The following ASTN2 variants were observed in gnomAD, a reference collection of about 807,000 sequenced individuals.
ASTN2 encodes the protein astrotactin-2.
ASTN2 carries 54 observed loss-of-function variants against 139.8 expected under a neutral mutation model. That is an observed-to-expected ratio of 0.39 (90% CI 0.31 to 0.48). ASTN2 has a LOEUF of 0.48. Ranked by LOEUF, ASTN2 falls within the 20% of genes least tolerant of loss-of-function variation. ASTN2 has a pLI of 0.95. For missense variants in ASTN2, 1,565 were observed against 1,725.1 expected (o/e 0.91, Z 1.64); for synonymous variants, 756 against 719.5 (o/e 1.05, Z -0.81).
intron 1 of ASTN2, among the ~76,000 whole-genome samples, chr9:117,298,040 A>G (rs1184791219): frequency 6.6e-6 from 1 of 152,224 alleles, no homozygotes; most frequent in Non-Finnish European, 1.5e-5. Flanking sequence ...CCTTCCTTCC[A>G]GCCAACCATT....
chr9:116,529,100 C>G (rs893999623), intron 19 of ASTN2, among the ~76,000 whole-genome samples: 1 of 152,160 alleles, frequency 6.6e-6, no homozygotes, highest in Non-Finnish European at 1.5e-5. Context: ...CTCCAGACCC[C>G]AGAATAGTAA....
chr9:117,411,076 C>A (rs1399143167), intron 1 of ASTN2, among the ~76,000 whole-genome samples: 1 of 152,138 alleles, frequency 6.6e-6, no homozygotes. Flanking sequence ...GACCAGGATT[C>A]CAGTTCCAGG....
intron 16 of ASTN2, among the ~76,000 whole-genome samples, chr9:116,660,722 A>C (rs1464450161): frequency 6.6e-6 from 1 of 152,128 alleles, no homozygotes; most frequent in Non-Finnish European, 1.5e-5. Flanking sequence ...TCTACCTACA[A>C]GAAGACAGTA....
intron 5 of ASTN2, among the ~76,000 whole-genome samples, chr9:117,044,998 C>T (rs1309957056): frequency 6.6e-6 from 1 of 152,072 alleles, no homozygotes; most frequent in African/African-American, 2.4e-5. Flanking sequence ...TAGTCCTGTT[C>T]CAGCCTTTCC....
At chr9:116,600,149 C>A (rs1363481267) in intron 19 of ASTN2, among the ~76,000 whole-genome samples, 1 of 151,808 alleles carries the variant, frequency 6.6e-6, no homozygotes, top group Non-Finnish European at 1.5e-5. Flanking sequence ...ATGACAAAAG[C>A]CCATCTCTAC....
chr9:116,651,880 T>C lies in ASTN2; in HGVS notation c.2807-87A>G, dbSNP rs2131928846. The C allele has an allele frequency of 2.7e-6, 4 of 1,481,712 alleles. No individual in the cohort carries two copies. In the South Asian group the frequency reaches 5.2e-5, roughly 19 times the overall value. The allele number at this position is 1,481,712 out of a possible 1,614,324, so 91.8% of individuals were successfully genotyped here. On this transcript the variant is annotated intron_variant, in intron 16 of 22. Transcript: ENST00000313400. The stretch of plus-strand genomic sequence containing the variant: ...TCTTGAATTCACAAAATACAGATGC[T>C]AAGAAGCTGGTATCCATTGAGGAAG...
chr9:116,738,839 G>C (rs894529167), intron 13 of ASTN2, among the ~76,000 whole-genome samples: 1 of 152,158 alleles, frequency 6.6e-6, no homozygotes, highest in African/African-American at 2.4e-5. Flanking sequence ...TCAGTGAATC[G>C]ATCCCAAGCC....
chr9:117,141,743 A>T (rs746666484), intron 3 of ASTN2, among the ~76,000 whole-genome samples: 4 of 152,224 alleles, frequency 2.6e-5, no homozygotes, highest in Non-Finnish European at 5.9e-5. Flanking sequence ...CCTTGAGACT[A>T]GAGGGCTTGG....
At chr9:116,471,688 A>T (rs1848818994) in intron 20 of ASTN2, among the ~76,000 whole-genome samples, 1 of 152,212 alleles carries the variant, frequency 6.6e-6, no homozygotes, top group Non-Finnish European at 1.5e-5. Flanking sequence ...ATTCTTAGGA[A>T]TAAAGGGCCT....
rs150957099 is a variant in ASTN2, at chr9:117,005,735, T to TTCTCTC, written c.1591+2351_1591+2356dup. Among the ~76,000 whole-genome samples, 89 of 149,258 alleles carry TTCTCTC rather than the reference T, an allele frequency of 6.0e-4. 1 individual carries two copies. Among genetic ancestry groups the TTCTCTC allele is most frequent in the East Asian group, 5.7e-3 (29 of 5,088 alleles). On this transcript the variant is annotated intron_variant, in intron 7 of 22. Transcript: ENST00000313400. ...CCATATCCTATTCCCCAGTACATACTTCTCTCTCTCTCTCTCTCTCTCTGT... is the reference window on the plus strand; with the variant it reads ...CCATATCCTATTCCCCAGTACATACTTCTCTCTCTCTCTCTCTCTCTCTCTCTCTGT...
chr9:116,508,068 T>C (rs1169974962), intron 19 of ASTN2, among the ~76,000 whole-genome samples: 1 of 152,112 alleles, frequency 6.6e-6, no homozygotes, highest in Non-Finnish European at 1.5e-5. Flanking sequence ...TTGTAATTTT[T>C]TTAGTAGAGA....
At position 117,327,454 on chromosome 9, in the gene ASTN2, G is replaced by A. The variant is rs550991903; in HGVS notation, c.443-35941C>T. ...ATAAAGCAGGACAGTGGGGGTTACAGTAGATAGGGTTTATGTTCAAGGAGG... is the reference window on the plus strand; with the variant it reads ...ATAAAGCAGGACAGTGGGGGTTACAATAGATAGGGTTTATGTTCAAGGAGG... On this transcript the variant is annotated intron_variant, in intron 1 of 22. Coordinates refer to ENST00000313400, the MANE Select transcript of ASTN2 (RefSeq NM_001365068.1). Among the ~76,000 whole-genome samples, 20 of 152,336 alleles carry A rather than the reference G, an allele frequency of 1.3e-4. No homozygotes were observed. The South Asian group carries it at 3.5e-3, about 27-fold the overall frequency.
intron 1 of ASTN2, among the ~76,000 whole-genome samples, chr9:117,343,498 GT>G (rs1213574876): frequency 6.6e-6 from 1 of 152,134 alleles, no homozygotes. Context: ...GATAACGTTT[GT>G]GTGGCACTCC....
At chr9:117,187,413 G>A (rs1204614580) in intron 3 of ASTN2, among the ~76,000 whole-genome samples, 2 of 152,132 alleles carry the variant, frequency 1.3e-5, no homozygotes, top group Non-Finnish European at 2.9e-5. Flanking sequence ...TGGTTTGAAT[G>A]ATTGTCTCCT....
At chr9:116,963,632 A>G (rs756623783) in intron 10 of ASTN2, among the ~76,000 whole-genome samples, 1 of 152,108 alleles carries the variant, frequency 6.6e-6, no homozygotes, top group Non-Finnish European at 1.5e-5. Context: ...GAGAGGCATG[A>G]CCATTTTTGA....
intron 2 of ASTN2, among the ~76,000 whole-genome samples, chr9:117,218,093 T>G (rs971373932): frequency 2.6e-5 from 4 of 152,252 alleles, no homozygotes; most frequent in Non-Finnish European, 5.9e-5. Context: ...ACTTAGCCCC[T>G]GCTCAGTCTC....
At chr9:116,440,890 T>G (rs1847821051) in intron 21 of ASTN2, 98 bp from the exon 22 acceptor site, 2 of 1,240,482 alleles carry the variant, frequency 1.6e-6, no homozygotes, top group Admixed American at 4.2e-5. Flanking sequence ...GGTGAGAAAG[T>G]TTGCTTGCAT....
chr9:117,108,353 T>C (rs1331541537), intron 4 of ASTN2, among the ~76,000 whole-genome samples: 9 of 151,916 alleles, frequency 5.9e-5, no homozygotes, highest in Non-Finnish European at 8.8e-5. Context: ...TTTGAGAACA[T>C]GTAATTGAAT....
chr9:117,141,415 CGGAAACTCT>C lies in ASTN2; in HGVS notation c.1070_1078del (p.Glu357_Arg360delinsGly). The C allele has an allele frequency of 7.3e-7, 1 of 1,367,490 alleles. No homozygotes were observed. Among genetic ancestry groups the C allele is most frequent in the Non-Finnish European group, 9.8e-7 (1 of 1,021,822 alleles). The allele number at this position is 1,367,490 out of a possible 1,614,324, so 84.7% of individuals were successfully genotyped here. A position where few individuals can be genotyped will look rare whatever the true frequency, so the allele number is the denominator to read the frequency against. The stretch of plus-strand genomic sequence containing the variant: ...ACCGATCTCGATGGGCGTGTTAGCG[CGGAAACTCT>C]CCTTGAACTTCTGCATCAGGGACTC... On this transcript the variant is annotated inframe_deletion, in exon 4 of 23. Transcript: ENST00000313400.
Sources: gnomAD v4.1 joint callset for allele counts (sites outside exome capture counted in the v4.1 genomes callset) on GRCh38, gnomAD v4.1.1 for gene constraint, MANE v1.5 for transcripts, NCBI Gene and HGNC (gene_info 2026-07-23, HGNC 2026-07-21) for gene names.